NAALADL2: variants seen among roughly 807,000 people sequenced by gnomAD.
NAALADL2 encodes the protein N-acetylated alpha-linked acidic dipeptidase like 2, also known as inactive N-acetylated-alpha-linked acidic dipeptidase-like protein 2.
In NAALADL2, 76 loss-of-function variants were observed where a neutral mutation model predicts 87.2. The observed-to-expected ratio is 0.87, with a 90% CI of 0.72 to 1.05. The LOEUF is 1.05. NAALADL2 is among the 50% of genes least tolerant of loss of function. The pLI is 0.00. For synonymous variants in NAALADL2, 354 were observed against 331.0 expected, an observed-to-expected ratio of 1.07 and a Z score of -0.75; for missense variants, 1,089 against 945.8, an observed-to-expected ratio of 1.15 and a Z score of -1.99.
intron 1 of NAALADL2, among the ~76,000 whole-genome samples, chr3:174,524,792 A>G (rs537751189): frequency 3.3e-5 from 5 of 152,056 alleles, no homozygotes; most frequent in Non-Finnish European, 7.4e-5. Flanking sequence ...CTCCTGCCTC[A>G]GCCTCCCAAA....
chr3:174,804,150 A>G (rs1209276831), intron 3 of NAALADL2, among the ~76,000 whole-genome samples: 1 of 152,080 alleles, frequency 6.6e-6, no homozygotes, highest in African/African-American at 2.4e-5. Context: ...TTTGTTGAGC[A>G]GTGGTTTGTA....
chr3:175,695,987 T>C (rs573837476), intron 11 of NAALADL2, among the ~76,000 whole-genome samples: 3 of 152,138 alleles, frequency 2.0e-5, no homozygotes, highest in Non-Finnish European at 4.4e-5. Flanking sequence ...CAAATGGCAT[T>C]GTGCTGCTTT....
At chr3:175,674,784 A>T (rs1734538227) in intron 11 of NAALADL2, among the ~76,000 whole-genome samples, 1 of 152,074 alleles carries the variant, frequency 6.6e-6, no homozygotes, top group Non-Finnish European at 1.5e-5. Flanking sequence ...TCTTTTGATG[A>T]TTTTTCATTG....
intron 1 of NAALADL2, among the ~76,000 whole-genome samples, chr3:174,550,258 A>G (rs1711960880): frequency 6.6e-6 from 1 of 152,072 alleles, no homozygotes; most frequent in South Asian, 2.1e-4. Context: ...TCCTAGTGAC[A>G]AATGTTATAT....
chr3:175,074,388 T>G (rs1306113938), intron 1 of NAALADL2, among the ~76,000 whole-genome samples: 1 of 152,092 alleles, frequency 6.6e-6, no homozygotes, highest in Non-Finnish European at 1.5e-5. Context: ...CAATTTTTAA[T>G]AGCTGGTAAA....
At position 174,995,759 on chromosome 3, in the gene NAALADL2, C is replaced by T. The variant is rs866252147; in HGVS notation, c.44-101031C>T. Among the ~76,000 whole-genome samples, 27 of 150,882 alleles carry T rather than the reference C, an allele frequency of 1.8e-4. 1 individual carries two copies. The South Asian group carries it at 4.4e-3, about 25-fold the overall frequency. ...CTTAAATCTATGCCTTAAACCTTAA[C>T]CTTTGAATTGCTTTTACGCTATTAC... On this transcript the variant is annotated intron_variant, in intron 1 of 13. Coordinates refer to ENST00000454872, the MANE Select transcript of NAALADL2 (RefSeq NM_207015.3).
chr3:175,458,151 G>A (rs9874916), intron 6 of NAALADL2, among the ~76,000 whole-genome samples: 1 of 151,956 alleles, frequency 6.6e-6, no homozygotes, highest in Non-Finnish European at 1.5e-5. Flanking sequence ...GCTGTTATCA[G>A]CCAATTCTCC....
chr3:175,638,731 A>G (rs1182409309), intron 11 of NAALADL2, among the ~76,000 whole-genome samples: 1 of 152,226 alleles, frequency 6.6e-6, no homozygotes, highest in African/African-American at 2.4e-5. Context: ...TATTTTCCAG[A>G]AACCAAAACA....
chr3:175,550,349 G>A (rs919317600), intron 9 of NAALADL2, among the ~76,000 whole-genome samples: 3 of 152,050 alleles, frequency 2.0e-5, no homozygotes, highest in Admixed American at 6.5e-5. Flanking sequence ...TTTCAGAGAA[G>A]AGAGAAAAAT....
chr3:175,794,919 G>C (rs1753270210), intron 13 of NAALADL2, among the ~76,000 whole-genome samples: 1 of 152,160 alleles, frequency 6.6e-6, no homozygotes. Flanking sequence ...TCAAGATCAG[G>C]GTGCCAGCCT....
chr3:174,567,676 G>A (rs1178203380), intron 2 of NAALADL2, among the ~76,000 whole-genome samples: 1 of 151,484 alleles, frequency 6.6e-6, no homozygotes, highest in East Asian at 1.9e-4. Flanking sequence ...TAGATAAGTC[G>A]ATATGATCAT....
intron 9 of NAALADL2, among the ~76,000 whole-genome samples, chr3:175,508,778 T>A (rs1730715698): frequency 6.6e-6 from 1 of 152,142 alleles, no homozygotes; most frequent in Non-Finnish European, 1.5e-5. Context: ...GGGTCTATTA[T>A]TTCTCATTTT....
intron 10 of NAALADL2, among the ~76,000 whole-genome samples, chr3:175,607,769 C>A (rs1340675971): frequency 1.3e-5 from 2 of 151,938 alleles, no homozygotes; most frequent in Non-Finnish European, 2.9e-5. Flanking sequence ...CTTTTAAGAT[C>A]AATCTTATTA....
intron 1 of NAALADL2, among the ~76,000 whole-genome samples, chr3:174,983,831 G>A (rs1745459136): frequency 6.6e-6 from 1 of 152,158 alleles, no homozygotes. Flanking sequence ...CTGACAAGTT[G>A]TTTACTATCT....
At chr3:175,765,115 T>G (rs1022341398) in intron 13 of NAALADL2, among the ~76,000 whole-genome samples, 1 of 152,134 alleles carries the variant, frequency 6.6e-6, no homozygotes, top group Non-Finnish European at 1.5e-5. Context: ...TAACATATTT[T>G]AATAGCGACC....
intron 1 of NAALADL2, among the ~76,000 whole-genome samples, chr3:174,445,245 G>A (rs1349602348): frequency 6.6e-6 from 1 of 151,972 alleles, no homozygotes; most frequent in Non-Finnish European, 1.5e-5. Flanking sequence ...AGGTTGTTAG[G>A]TTTCCAAACA....
chr3:174,815,296 G>T (rs1387305596), intron 3 of NAALADL2, among the ~76,000 whole-genome samples: 2 of 152,180 alleles, frequency 1.3e-5, no homozygotes, highest in Non-Finnish European at 2.9e-5. Context: ...TTTTGGCAGG[G>T]TTGGTTCCTT....
chr3:174,845,238 T>C (rs999409958), intron 3 of NAALADL2, among the ~76,000 whole-genome samples: 4 of 152,290 alleles, frequency 2.6e-5, no homozygotes, highest in African/African-American at 9.6e-5. Context: ...GGCTGTTTTG[T>C]TGCTGGCAGG....
intron 10 of NAALADL2, among the ~76,000 whole-genome samples, chr3:175,621,369 G>T (rs149430729): frequency 6.6e-6 from 1 of 152,312 alleles, no homozygotes; most frequent in East Asian, 1.9e-4. Context: ...TGTTACCTAT[G>T]TTAGGCATTG....
Sources: gnomAD v4.1 joint callset for allele counts (sites outside exome capture counted in the v4.1 genomes callset) on GRCh38, gnomAD v4.1.1 for gene constraint, MANE v1.5 for transcripts, NCBI Gene and HGNC (gene_info 2026-07-23, HGNC 2026-07-21) for gene names.